NPAS3: variants seen among roughly 807,000 people sequenced by gnomAD.
The protein encoded by NPAS3 is neuronal PAS domain-containing protein 3.
NPAS3 carries 14 observed loss-of-function variants against 73.1 expected under a neutral mutation model. That is an observed-to-expected ratio of 0.19 (90% CI 0.13 to 0.30). The LOEUF (loss-of-function observed/expected upper bound fraction) is 0.30. Ranked by LOEUF, NPAS3 falls within the 10% of genes least tolerant of loss-of-function variation. The pLI, the probability that NPAS3 is intolerant of heterozygous loss-of-function variation, is 1.00. For synonymous variants in NPAS3, 620 were observed against 541.5 expected (o/e 1.14, Z -2.01); for missense variants, 1,096 against 1,250.0 (o/e 0.88, Z 1.86).
rs138667659 is a variant in NPAS3, at chr14:33,459,141, A to C, written c.468+91873A>C. Among the ~76,000 whole-genome samples the C allele has an allele frequency of 7.1e-4, 108 of 152,278 alleles. No individual in the cohort carries two copies. The East Asian group carries it at 0.018, about 25-fold the overall frequency. ...TGACACTGATGGGAGTGTAGCAGTG[A>C]GGACGACCAGAGGTCACTCTTGTTG... On this transcript the variant is annotated intron_variant, in intron 4 of 11. Coordinates refer to ENST00000356141, the Ensembl canonical transcript of NPAS3.
chr14:33,623,288 A>G (rs933124064), intron 5 of NPAS3, among the ~76,000 whole-genome samples: 1 of 152,230 alleles, frequency 6.6e-6, no homozygotes, highest in African/African-American at 2.4e-5. Context: ...ACAGTATCCC[A>G]GTAAGCCTTC....
rs996166499 is a variant in NPAS3 at position 33,454,013 on chromosome 14, A to C, written c.468+86745A>C. 2.3e-4 allele frequency among the ~76,000 whole-genome samples: 35 copies of C among 152,146 alleles called. 1 individual carries two copies. Among genetic ancestry groups the C allele is most frequent in the Non-Finnish European group, 1.3e-4 (9 of 68,030 alleles). On this transcript the variant is annotated intron_variant, in intron 4 of 11. Transcript: ENST00000356141. Reference sequence around the variant, plus strand: ...CCCTTTTTGTTTCCTTTTTTAAATTAAGCAACAACGAAGGTTTTCCCTTTT... The same window carrying C: ...CCCTTTTTGTTTCCTTTTTTAAATTCAGCAACAACGAAGGTTTTCCCTTTT...
At chr14:33,107,656 A>G (rs2042764635) in intron 2 of NPAS3, among the ~76,000 whole-genome samples, 1 of 152,140 alleles carries the variant, frequency 6.6e-6, no homozygotes, top group South Asian at 2.1e-4. Context: ...ACAGTCCACC[A>G]TTGATGGGCA....
chr14:33,017,510 T>C (rs2039437439), intron 1 of NPAS3, among the ~76,000 whole-genome samples: 1 of 152,170 alleles, frequency 6.6e-6, no homozygotes, highest in African/African-American at 2.4e-5. Context: ...ATTAATCGAA[T>C]AGAAGTCTGG....
At chr14:33,555,889 GGTGTGTCTGT>G (rs2055332605) in intron 4 of NPAS3, among the ~76,000 whole-genome samples, 2 of 148,484 alleles carry the variant, frequency 1.3e-5, no homozygotes, top group African/African-American at 2.5e-5. Flanking sequence ...AATTGTTGTT[GGTGTGTCTGT>G]GTGTGTGTGT....
At chr14:33,574,259 T>TA (rs1338624941) in intron 5 of NPAS3, among the ~76,000 whole-genome samples, 2 of 152,100 alleles carry the variant, frequency 1.3e-5, no homozygotes, top group Non-Finnish European at 2.9e-5. Flanking sequence ...AGGCAGCATA[T>TA]ACGATACAGC....
chr14:33,055,790 A>ATCTCGGTGGTC, intron 1 of NPAS3, 115 bp from the exon 2 acceptor site: 1 of 632,448 alleles, frequency 1.6e-6, no homozygotes, highest in Non-Finnish European at 2.9e-6. Flanking sequence ...TTGTGTGTAG[A>ATCTCGGTGGTC]GCTCAAAAGC....
At chr14:33,207,900 C>T (rs1485243466) in intron 2 of NPAS3, among the ~76,000 whole-genome samples, 1 of 152,088 alleles carries the variant, frequency 6.6e-6, no homozygotes, top group Non-Finnish European at 1.5e-5. Context: ...GGCTTTTCTG[C>T]CCTGATGAAA....
At chr14:32,986,509 G>A (rs1233060973) in intron 1 of NPAS3, among the ~76,000 whole-genome samples, 1 of 152,140 alleles carries the variant, frequency 6.6e-6, no homozygotes, top group African/African-American at 2.4e-5. Context: ...GTGTGTTGAT[G>A]TCAGTGGGGA....
At chr14:33,214,563 TATC>T (rs1411988474) in intron 2 of NPAS3, 1 of 152,376 alleles carries the variant, frequency 6.6e-6, no homozygotes, top group Non-Finnish European at 1.5e-5. Flanking sequence ...ATCAAGCAGT[TATC>T]AGCACATTTA....
At chr14:33,468,944 C>T (rs543428433) in intron 4 of NPAS3, among the ~76,000 whole-genome samples, 32 of 152,146 alleles carry the variant, frequency 2.1e-4, no homozygotes, top group Admixed American at 1.1e-3. Context: ...TCCAAAAGAC[C>T]GAATCTACAG....
chr14:33,289,682 C>T (rs962476045), intron 3 of NPAS3, among the ~76,000 whole-genome samples: 3 of 151,912 alleles, frequency 2.0e-5, no homozygotes, highest in African/African-American at 7.3e-5. Flanking sequence ...ATTAGCCGGG[C>T]ATGATGGGGC....
chr14:33,747,725 G>T (rs1192037154), intron 7 of NPAS3, among the ~76,000 whole-genome samples: 1 of 152,192 alleles, frequency 6.6e-6, no homozygotes, highest in East Asian at 1.9e-4. Flanking sequence ...TTGGGCAATT[G>T]TCTATGGAAA....
At chr14:33,312,843 AG>A (rs11288932) in intron 3 of NPAS3, among the ~76,000 whole-genome samples, 70,990 of 151,812 alleles carry the variant, frequency 0.47, 17,789 homozygotes, top group African/African-American at 0.66. Context: ...TTAGTGGAGT[AG>A]GGGGAAGCCA....
intron 2 of NPAS3, among the ~76,000 whole-genome samples, chr14:33,192,831 T>C (rs1036942123): frequency 6.6e-6 from 1 of 152,312 alleles, no homozygotes; most frequent in East Asian, 1.9e-4. Flanking sequence ...GTCACCTAAA[T>C]TGAAATCTTA....
intron 7 of NPAS3, among the ~76,000 whole-genome samples, chr14:33,747,609 A>G (rs2140736452): frequency 6.6e-6 from 1 of 152,338 alleles, no homozygotes; most frequent in South Asian, 2.1e-4. Flanking sequence ...CTAGGGAAGA[A>G]GCTTTGGGCT....
intron 6 of NPAS3, among the ~76,000 whole-genome samples, chr14:33,716,829 C>T (rs1722963688): frequency 6.6e-6 from 1 of 152,086 alleles, no homozygotes; most frequent in South Asian, 2.1e-4. Context: ...GACGATGGCT[C>T]ATTTTCTCTG....
chr14:33,611,625 T>A (rs575838854), intron 5 of NPAS3, among the ~76,000 whole-genome samples: 1 of 152,322 alleles, frequency 6.6e-6, no homozygotes, highest in South Asian at 2.1e-4. Context: ...GCATGACTCA[T>A]TTTCCTTGAA....
intron 4 of NPAS3, 96 bp downstream of exon 4, chr14:33,367,364 G>T (rs2045890915): frequency 5.1e-6 from 3 of 588,734 alleles, no homozygotes; most frequent in Non-Finnish European, 8.9e-6. Context: ...AATGTCAGCT[G>T]TATATTTGAC....
Sources: gnomAD v4.1 joint callset for allele counts (sites outside exome capture counted in the v4.1 genomes callset) on GRCh38, gnomAD v4.1.1 for gene constraint, MANE v1.5 for transcripts, NCBI Gene and HGNC (gene_info 2026-07-23, HGNC 2026-07-21) for gene names.